Variants in VIPR1 observed in about 807,000 individuals in gnomAD.
VIPR1 encodes the protein vasoactive intestinal polypeptide receptor 1.
Under a neutral mutation model 58.8 loss-of-function variants are expected in VIPR1, and 59 were observed. That is an observed-to-expected ratio of 1.00 (90% CI 0.81 to 1.25). VIPR1 has a LOEUF of 1.25. Ranked by LOEUF, VIPR1 falls within the 50% of genes most tolerant of loss-of-function variation. The pLI is 0.00. For missense variants in VIPR1, 626 were observed against 602.7 expected (o/e 1.04, Z -0.40); for synonymous variants, 251 against 242.1 (o/e 1.04, Z -0.34).
Position 42,535,052 on chromosome 3 carries a change from A to G in VIPR1, c.1088A>G (p.Asn363Ser). 4 of 1,614,138 alleles carry G rather than the reference A, an allele frequency of 2.5e-6. No individual in the cohort carries two copies. Among genetic ancestry groups the G allele is most frequent in the African/African-American group, 2.7e-5 (2 of 75,022 alleles). Reference protein sequence around the residue: ...HYIMFAFFPDNFKPEVKMVFE... With the variant: ...HYIMFAFFPDSFKPEVKMVFE... The stretch of plus-strand genomic sequence containing the variant: ...ATCATGTTCGCCTTCTTTCCGGACA[A>G]TTTTAAGCCTGAAGTGAAGATGGTC... The change falls in exon 11 of 13, where the codon AAT becomes AGT. Residue 363 changes from asparagine to serine, a missense_variant. Coordinates refer to ENST00000325123, the MANE Select transcript of VIPR1 (RefSeq NM_004624.4).
intron 7 of VIPR1, 43 bp downstream of exon 7, chr3:42,530,975 CA>C (rs1701513222): frequency 6.2e-7 from 1 of 1,607,788 alleles, no homozygotes; most frequent in South Asian, 1.1e-5. Context: ...ACAGAGGGGG[CA>C]AGGCCTGGAG....
Position 42,525,072 on chromosome 3 carries a change from G to A in VIPR1, c.293-815G>A, listed in dbSNP as rs538423210. On this transcript the variant is annotated intron_variant, in intron 3 of 12. Transcript: ENST00000325123. ...GTGGTGGTGGTGATGAACGGGTACT[G>A]AGATGGGGAAGCGTGATTCTTCTCT... 3.3e-5 allele frequency among the ~76,000 whole-genome samples: 5 copies of A among 152,218 alleles called. No homozygotes were observed. In the South Asian group the frequency reaches 1.0e-3, roughly 32 times the overall value.
intron 1 of VIPR1, among the ~76,000 whole-genome samples, chr3:42,495,573 G>T (rs1699743988): frequency 6.6e-6 from 1 of 152,120 alleles, no homozygotes; most frequent in South Asian, 2.1e-4. Flanking sequence ...GTGAGTGTGG[G>T]TGGGCCTGAC....
chr3:42,505,522 T>A lies in VIPR1; in HGVS notation c.78+2709T>A, dbSNP rs148392862. Among the ~76,000 whole-genome samples the A allele has an allele frequency of 9.9e-4, 151 of 152,270 alleles. 1 individual carries two copies. The East Asian group carries it at 0.027, about 28-fold the overall frequency. ...TCTTGGCCCCCAGCAGGCCACCCTG[T>A]GAGCTTTGGGAAACATGGCTGCATC... On this transcript the variant is annotated intron_variant, in intron 1 of 12. Coordinates refer to ENST00000325123, the MANE Select transcript of VIPR1 (RefSeq NM_004624.4).
At chr3:42,513,446 G>C (rs1255361359) in intron 1 of VIPR1, 3 of 340,096 alleles carry the variant, frequency 8.8e-6, no homozygotes, top group Non-Finnish European at 1.7e-5. Context: ...AGGCCTCTAA[G>C]GGGAGGCCCT....
At chr3:42,525,686 G>C (rs1014001203) in intron 3 of VIPR1, among the ~76,000 whole-genome samples, 1 of 152,196 alleles carries the variant, frequency 6.6e-6, no homozygotes, top group Non-Finnish European at 1.5e-5. Flanking sequence ...TTCTATCATC[G>C]GTGCGGGAGC....
chr3:42,524,904 CA>C (rs1232536180), intron 3 of VIPR1, among the ~76,000 whole-genome samples: 2 of 152,184 alleles, frequency 1.3e-5, no homozygotes, highest in East Asian at 3.9e-4. Context: ...TTAACTTCCT[CA>C]CTGGATGATT....
chr3:42,528,294 A>C, intron 6 of VIPR1, 171 bp downstream of exon 6: 1 of 865,654 alleles, frequency 1.2e-6, no homozygotes, highest in Non-Finnish European at 1.7e-6. Context: ...GCAGTACTCA[A>C]ATCACACTCC....
At chr3:42,526,033 G>C in intron 4 of VIPR1, 40 bp downstream of exon 4, 1 of 1,561,114 alleles carries the variant, frequency 6.4e-7, no homozygotes, top group South Asian at 1.2e-5. Context: ...GCAGAGCGCC[G>C]GGGCCCACCT....
chr3:42,519,758 G>C (rs532620438), intron 3 of VIPR1, among the ~76,000 whole-genome samples: 1 of 152,188 alleles, frequency 6.6e-6, no homozygotes, highest in African/African-American at 2.4e-5. Flanking sequence ...AGGCAGAAAA[G>C]AAAAGGGGGA....
intron 6 of VIPR1, chr3:42,530,331 G>A (rs1701466955): frequency 1.1e-5 from 2 of 177,626 alleles, no homozygotes; most frequent in Admixed American, 5.4e-5. Flanking sequence ...TGACTGAGTG[G>A]GTTGGTAGAA....
Position 42,530,855 on chromosome 3 carries a change from T to A in VIPR1, c.713T>A (p.Leu238His). Residue 238 changes from leucine (L) to histidine (H), a missense_variant, in exon 7 of 13, where the codon CTC becomes CAC. Coordinates refer to ENST00000325123, the MANE Select transcript of VIPR1 (RefSeq NM_004624.4). ...TTCTTCTGGCTGCTGGTGGAGGGCC[T>A]CTACCTGTACACCCTGCTTGCCGTC... ...ANFFWLLVEG[L>H]YLYTLLAVSF... 2.5e-6 allele frequency: 4 copies of A among 1,614,134 alleles called. No individual in the cohort carries two copies. The highest frequency in any genetic ancestry group is 3.4e-6 in the Non-Finnish European group (4 of 1,179,978).
At chr3:42,530,401 GATGGACAC>G in intron 6 of VIPR1, 1 of 218,630 alleles carries the variant, frequency 4.6e-6, no homozygotes, top group Non-Finnish European at 9.4e-6. Flanking sequence ...ATAGATGATG[GATGGACAC>G]ATGGATAAAA....
chr3:42,530,917 A>T lies in VIPR1; in HGVS notation c.775A>T (p.Ile259Leu), dbSNP rs140570513. The change falls in exon 7 of 13, where the codon ATA becomes TTA. Residue 259 changes from isoleucine to leucine, a missense_variant. Ile to Leu is a conservative substitution (Grantham distance 5). Transcript: ENST00000325123. ...TGAGCGGAAGTACTTCTGGGGGTAC[A>T]TACTCATCGGCTGGGGTATGGTACC... ...FSERKYFWGYILIGWGVPSTF... is the reference protein window; with the variant it reads ...FSERKYFWGYLLIGWGVPSTF... 1 of 1,614,018 alleles carries T rather than the reference A, an allele frequency of 6.2e-7. No individual in the cohort carries two copies. Among genetic ancestry groups the T allele is most frequent in the African/African-American group, 1.3e-5 (1 of 75,020 alleles).
chr3:42,496,173 G>T (rs1398966603), intron 1 of VIPR1, among the ~76,000 whole-genome samples: 1 of 152,062 alleles, frequency 6.6e-6, no homozygotes, highest in African/African-American at 2.4e-5. Flanking sequence ...GGAGGCGGAG[G>T]TTGCAGTGAG....
At position 42,528,088 on chromosome 3, in the gene VIPR1, G is replaced by A. The variant is rs1050577545; in HGVS notation, c.601G>A (p.Asp201Asn). The change falls in exon 6 of 13, where the codon GAC becomes AAC. Residue 201 changes from aspartate to asparagine, a missense_variant. By Grantham distance (23) the Asp-to-Asn change is conservative. Transcript: ENST00000325123. ...CTTCATCAAAGACTTGGCCCTCTTC[G>A]ACAGCGGGGAGTCGGACCAGTGCTC... ...AVFIKDLALF[D>N]SGESDQCSEG... 11 of 1,613,824 alleles carry A rather than the reference G, an allele frequency of 6.8e-6. No homozygotes were observed. The highest frequency in any genetic ancestry group is 4.0e-5 in the African/African-American group (3 of 74,890).
At chr3:42,517,728 C>T (rs1346289632) in intron 2 of VIPR1, among the ~76,000 whole-genome samples, 2 of 152,216 alleles carry the variant, frequency 1.3e-5, no homozygotes, top group African/African-American at 2.4e-5. Flanking sequence ...AATCCCAGCA[C>T]TTTGGGAGGC....
intron 2 of VIPR1, chr3:42,516,878 G>A (rs758206336): frequency 1.3e-5 from 2 of 152,192 alleles, no homozygotes; most frequent in Non-Finnish European, 2.9e-5. Flanking sequence ...ATCCAAAGAG[G>A]TTAGAACAGT....
chr3:42,513,671 G>T lies in VIPR1; in HGVS notation c.79-78G>T, dbSNP rs749181078. The T allele has an allele frequency of 4.2e-6, 6 of 1,434,618 alleles. No homozygotes were observed. The South Asian group carries it at 6.3e-5, about 15-fold the overall frequency. The allele number at this position is 1,434,618 out of a possible 1,614,324, so 88.9% of individuals were successfully genotyped here. A position where few individuals can be genotyped will look rare whatever the true frequency, so the allele number is the denominator to read the frequency against. ...TTGGATCTCTTCCAGGGAGAGGGCA[G>T]GTGCAGTCCAGAGACTGGGCCTGGT... On this transcript the variant is annotated intron_variant, in intron 1 of 12. Transcript: ENST00000325123.
Sources: allele counts gnomAD v4.1 joint callset (sites outside exome capture counted in the v4.1 genomes callset), GRCh38; gene constraint gnomAD v4.1.1; transcripts MANE v1.5; gene names NCBI Gene and HGNC (gene_info 2026-07-23, HGNC 2026-07-21).